Variants in FAM78B observed in about 807,000 individuals in gnomAD.
FAM78B encodes the protein protein FAM78B.
A neutral mutation model predicts 20.0 loss-of-function variants in FAM78B; 10 were observed. That is an observed-to-expected ratio of 0.50 (90% confidence interval 0.31 to 0.85). FAM78B has a LOEUF of 0.85. FAM78B is among the 40% of genes least tolerant of loss of function. The pLI, the probability that FAM78B is intolerant of heterozygous loss-of-function variation, is 0.05. For synonymous variants in FAM78B, 135 were observed against 132.8 expected (o/e 1.02, Z -0.12); for missense variants, 283 against 345.0 (o/e 0.82, Z 1.42).
downstream of FAM78B, among the ~76,000 whole-genome samples, chr1:166,069,029 A>C (rs1651907767): frequency 6.6e-6 from 1 of 152,212 alleles, no homozygotes; most frequent in African/African-American, 2.4e-5. Context: ...TTTTCTTTGA[A>C]GAGCTCTAAA....
chr1:166,076,091 TA>T (rs1652260564), intron 1 of FAM78B, among the ~76,000 whole-genome samples: 1 of 152,248 alleles, frequency 6.6e-6, no homozygotes, highest in Non-Finnish European at 1.5e-5. Context: ...GTCTCCTTGC[TA>T]ATTACTCAAC....
At position 166,060,338 on chromosome 1, in the gene FAM78B, G is replaced by A. The variant is rs976061537; in HGVS notation, c.*735C>T. ...GCTTCACTTTGAGGGTTGGGGAAAG[G>A]ACTTGGGATCTGAATGAACCCCATC... On this transcript the variant is annotated 3_prime_UTR_variant and NMD_transcript_variant, in exon 3 of 3. Transcript: ENST00000435676. The A allele has an allele frequency of 9.0e-6, 3 of 332,436 alleles. No individual in the cohort carries two copies. In the Admixed American group the frequency reaches 1.3e-4, roughly 14 times the overall value. The allele number at this position is 332,436 out of a possible 1,614,324, so 20.6% of individuals were successfully genotyped here.
At chr1:166,164,430 GTCAGTTTTTAAATGGCATGAT>G (rs1656277732) in intron 1 of FAM78B, among the ~76,000 whole-genome samples, 1 of 152,388 alleles carries the variant, frequency 6.6e-6, no homozygotes, top group Admixed American at 6.5e-5. Flanking sequence ...TTGAGGGTAT[GTCAGTTTTTAAATGGCATGAT>G]TCGCCCCAAA....
intron 1 of FAM78B, among the ~76,000 whole-genome samples, chr1:166,103,416 C>A (rs186410674): frequency 1.3e-5 from 2 of 152,080 alleles, no homozygotes; most frequent in East Asian, 3.8e-4. Context: ...AATCCAGGAG[C>A]TGGTTTTTTG....
chr1:166,116,918 T>G (rs1003534616), intron 1 of FAM78B, among the ~76,000 whole-genome samples: 1 of 152,332 alleles, frequency 6.6e-6, no homozygotes, highest in African/African-American at 2.4e-5. Flanking sequence ...CATGACGCTT[T>G]GTCTCTAATG....
intron 1 of FAM78B, among the ~76,000 whole-genome samples, chr1:166,095,102 C>T (rs1289336687): frequency 1.3e-5 from 2 of 152,098 alleles, no homozygotes; most frequent in Admixed American, 1.3e-4. Flanking sequence ...CCATACCAGT[C>T]CTTGCAGAGT....
intron 1 of FAM78B, among the ~76,000 whole-genome samples, chr1:166,105,237 A>C (rs1187026016): frequency 6.6e-6 from 1 of 152,270 alleles, no homozygotes; most frequent in Non-Finnish European, 1.5e-5. Context: ...TGTTAGACCC[A>C]AAACCATAAA....
chr1:166,113,108 C>A (rs890830963), intron 1 of FAM78B, among the ~76,000 whole-genome samples: 5 of 152,008 alleles, frequency 3.3e-5, no homozygotes, highest in African/African-American at 1.2e-4. Context: ...TGCTCAATGG[C>A]CCCAGACCCT....
intron 1 of FAM78B, among the ~76,000 whole-genome samples, chr1:166,146,965 G>A (rs1655480026): frequency 6.6e-6 from 1 of 152,130 alleles, no homozygotes; most frequent in Non-Finnish European, 1.5e-5. Context: ...ACATCACCAA[G>A]CACACACACA....
At chr1:166,105,300 G>T (rs1391165712) in intron 1 of FAM78B, among the ~76,000 whole-genome samples, 2 of 152,146 alleles carry the variant, frequency 1.3e-5, no homozygotes, top group Non-Finnish European at 2.9e-5. Context: ...CATGGGCAAG[G>T]ACTTCATGTC....
chr1:166,072,174 G>C (rs1652075518), intron 1 of FAM78B, among the ~76,000 whole-genome samples: 1 of 152,170 alleles, frequency 6.6e-6, no homozygotes, highest in Admixed American at 6.5e-5. Flanking sequence ...TGTCAAGCTA[G>C]TGCTGATTAA....
intron 1 of FAM78B, among the ~76,000 whole-genome samples, chr1:166,094,954 C>A (rs1196225651): frequency 6.6e-6 from 1 of 152,144 alleles, no homozygotes; most frequent in African/African-American, 2.4e-5. Flanking sequence ...TTGGTTCTGT[C>A]TATAAGAAAA....
chr1:166,123,100 C>T (rs1654520128), intron 1 of FAM78B, among the ~76,000 whole-genome samples: 1 of 152,182 alleles, frequency 6.6e-6, no homozygotes, highest in Admixed American at 6.5e-5. Context: ...GGGGGTAGAT[C>T]CCAGCACGGA....
intron 1 of FAM78B, among the ~76,000 whole-genome samples, chr1:166,150,291 A>G (rs1655627546): frequency 6.6e-6 from 1 of 152,230 alleles, no homozygotes; most frequent in African/African-American, 2.4e-5. Context: ...TGGAGTGCTA[A>G]GTAAAAAGAA....
intron 1 of FAM78B, among the ~76,000 whole-genome samples, chr1:166,148,215 G>A (rs970567779): frequency 6.6e-6 from 1 of 152,230 alleles, no homozygotes; most frequent in Non-Finnish European, 1.5e-5. Flanking sequence ...ATGGCTAAAA[G>A]ATAAATCTTG....
At chr1:166,120,951 T>C (rs910089851) in intron 1 of FAM78B, among the ~76,000 whole-genome samples, 2 of 152,238 alleles carry the variant, frequency 1.3e-5, no homozygotes, top group Non-Finnish European at 2.9e-5. Flanking sequence ...CATAAGTCAA[T>C]ACAGTAACAC....
chr1:166,093,748 CACTT>C (rs1011510954), intron 1 of FAM78B, among the ~76,000 whole-genome samples: 11 of 151,604 alleles, frequency 7.3e-5, no homozygotes, highest in African/African-American at 2.7e-4. Context: ...ACATGGGAAA[CACTT>C]TTTTTTTTTT....
intron 1 of FAM78B, among the ~76,000 whole-genome samples, chr1:166,109,910 A>G (rs867870001): frequency 1.5e-4 from 16 of 108,440 alleles, no homozygotes; most frequent in Non-Finnish European, 2.2e-4. Flanking sequence ...ATATATATAT[A>G]TATATATATA....
At chr1:166,111,297 G>A (rs1323945846) in intron 1 of FAM78B, among the ~76,000 whole-genome samples, 1 of 152,180 alleles carries the variant, frequency 6.6e-6, no homozygotes, top group Non-Finnish European at 1.5e-5. Flanking sequence ...TGATAGGCAG[G>A]GATAGGAAGG....
Sources: allele counts gnomAD v4.1 joint callset (sites outside exome capture counted in the v4.1 genomes callset), GRCh38; gene constraint gnomAD v4.1.1; transcripts MANE v1.5; gene names NCBI Gene and HGNC (gene_info 2026-07-23, HGNC 2026-07-21).